The following LDLRAD3 variants were observed in gnomAD, a reference collection of about 807,000 sequenced individuals.
LDLRAD3 encodes the protein low density lipoprotein receptor class A domain containing 3, also known as low-density lipoprotein receptor class A domain-containing protein 3.
LDLRAD3 carries 20 observed loss-of-function variants against 29.4 expected under a neutral mutation model. That is an observed-to-expected ratio of 0.68 (90% confidence interval 0.48 to 0.99). The LOEUF is 0.99. Ranked by LOEUF, LDLRAD3 falls within the 50% of genes least tolerant of loss-of-function variation. LDLRAD3 has a pLI of 0.00. For missense variants in LDLRAD3, 420 were observed against 454.3 expected, an observed-to-expected ratio of 0.92 and a Z score of 0.69; for synonymous variants, 157 against 192.7, an observed-to-expected ratio of 0.81 and a Z score of 1.53.
intron 2 of LDLRAD3, among the ~76,000 whole-genome samples, chr11:36,060,902 C>G (rs1007410243): frequency 6.6e-6 from 1 of 152,176 alleles, no homozygotes; most frequent in African/African-American, 2.4e-5. Flanking sequence ...TCAGCCAACT[C>G]AATTTATGAA....
chr11:36,007,677 G>C (rs1851902174), intron 1 of LDLRAD3, among the ~76,000 whole-genome samples: 1 of 152,224 alleles, frequency 6.6e-6, no homozygotes, highest in South Asian at 2.1e-4. Flanking sequence ...TCCATTTTAT[G>C]AGCTGCATCA....
chr11:36,169,152 T>G (rs925914960), intron 4 of LDLRAD3, among the ~76,000 whole-genome samples: 4 of 152,150 alleles, frequency 2.6e-5, no homozygotes, highest in African/African-American at 9.7e-5. Flanking sequence ...TATTGATCTG[T>G]GAGCTTTTTT....
intron 2 of LDLRAD3, among the ~76,000 whole-genome samples, chr11:36,041,877 TTGA>T (rs386752464): frequency 1.8e-5 from 1 of 54,888 alleles, no homozygotes; most frequent in South Asian, 6.6e-4. Context: ...GTGTGTTTGG[TTGA>T]GGGGGGTGTG....
intron 4 of LDLRAD3, among the ~76,000 whole-genome samples, chr11:36,099,628 G>C (rs1853416363): frequency 6.6e-6 from 1 of 152,220 alleles, no homozygotes; most frequent in Non-Finnish European, 1.5e-5. Context: ...AGGTAGGATA[G>C]ATGATGGATA....
At chr11:36,158,253 G>T (rs1030633316) in intron 4 of LDLRAD3, among the ~76,000 whole-genome samples, 1 of 152,096 alleles carries the variant, frequency 6.6e-6, no homozygotes, top group African/African-American at 2.4e-5. Context: ...CACTGTCCGG[G>T]GGTAATTCCC....
intron 2 of LDLRAD3, 104 bp from the exon 3 acceptor site, chr11:36,081,549 T>C: frequency 6.8e-7 from 1 of 1,464,966 alleles, no homozygotes; most frequent in Non-Finnish European, 9.4e-7. Flanking sequence ...GACTTTAAGA[T>C]GAATCTTAAG....
intron 4 of LDLRAD3, among the ~76,000 whole-genome samples, chr11:36,102,825 G>GT (rs1240378061): frequency 2.0e-5 from 3 of 152,116 alleles, no homozygotes; most frequent in African/African-American, 7.2e-5. Context: ...CCATATACAT[G>GT]TTGGGGGTCG....
At position 36,231,525 on chromosome 11, in the gene LDLRAD3, T is replaced by G. The variant is rs1855575555; in HGVS notation, c.*2128T>G. 6.6e-6 allele frequency: 1 copy of G among 152,132 alleles called. No individual in the cohort carries two copies. Among genetic ancestry groups the G allele is most frequent in the Admixed American group, 6.6e-5 (1 of 15,266 alleles). 9.4% of individuals were successfully genotyped at this position (152,132 alleles called of 1,614,324 possible). A position where few individuals can be genotyped will look rare whatever the true frequency, so the allele number is the denominator to read the frequency against. On this transcript the variant is annotated 3_prime_UTR_variant, in exon 6 of 6. Coordinates refer to ENST00000315571, the MANE Select transcript of LDLRAD3 (RefSeq NM_174902.4). ...TTCTTTCTGGTGCTCTGGAAGTTGT[T>G]TAGAGGAAAGAATTCTAATTTTAAT...
In LDLRAD3 at chr11:36,229,338, C is replaced by T. The variant is rs776107333; in HGVS notation, c.979C>T (p.Gln327Ter). 6.2e-7 allele frequency: 1 copy of T among 1,614,090 alleles called. No individual in the cohort carries two copies. Among genetic ancestry groups the T allele is most frequent in the Non-Finnish European group, 8.5e-7 (1 of 1,180,020 alleles). The change falls in exon 6 of 6, where the codon CAG (glutamine) becomes TAG (stop). Residue 327 changes from glutamine (Q) to a stop codon, truncating the protein, a stop_gained. Transcript: ENST00000315571. LOFTEE classifies it high-confidence loss of function. Reference sequence around the variant, plus strand: ...CCACAGCCCGGGGCAGCCTGGCCCCCAGGAGGGCACTGCTGAGCCCAGGGA... The same window carrying T: ...CCACAGCCCGGGGCAGCCTGGCCCCTAGGAGGGCACTGCTGAGCCCAGGGA... The part of the protein sequence containing the change: ...TSHSPGQPGP[Q>*]EGTAEPRDSE...
intron 4 of LDLRAD3, among the ~76,000 whole-genome samples, chr11:36,223,127 A>G (rs1323604869): frequency 6.6e-6 from 1 of 152,224 alleles, no homozygotes; most frequent in East Asian, 1.9e-4. Context: ...ATGAATTAAC[A>G]CAAGATGACA....
At chr11:36,039,224 C>T (rs1406427267) in intron 2 of LDLRAD3, among the ~76,000 whole-genome samples, 2 of 152,162 alleles carry the variant, frequency 1.3e-5, no homozygotes, top group Non-Finnish European at 1.5e-5. Context: ...CCGCCTCGGC[C>T]TCCCAAAGTG....
chr11:36,109,622 T>C (rs1354388008), intron 4 of LDLRAD3, among the ~76,000 whole-genome samples: 1 of 152,214 alleles, frequency 6.6e-6, no homozygotes, highest in Non-Finnish European at 1.5e-5. Context: ...TCTTTGCTTT[T>C]TTCTGTCACC....
At chr11:36,209,650 G>C (rs7950892) in intron 4 of LDLRAD3, among the ~76,000 whole-genome samples, 8,833 of 152,090 alleles carry the variant, frequency 0.058, 804 homozygotes, top group African/African-American at 0.19. Flanking sequence ...GAACCACCAT[G>C]CCTGGCCAAA....
chr11:36,212,196 A>C (rs1342264991), intron 4 of LDLRAD3, among the ~76,000 whole-genome samples: 1 of 152,170 alleles, frequency 6.6e-6, no homozygotes, highest in African/African-American at 2.4e-5. Context: ...CTCGATGCAG[A>C]GGAGGCAGAT....
chr11:36,168,482 C>T (rs981212150), intron 4 of LDLRAD3, among the ~76,000 whole-genome samples: 6 of 142,976 alleles, frequency 4.2e-5, no homozygotes, highest in South Asian at 4.5e-4. Flanking sequence ...GATTTTATTC[C>T]GTTTTTTTCT....
At chr11:35,985,986 G>A (rs1851610397) in intron 1 of LDLRAD3, among the ~76,000 whole-genome samples, 1 of 147,504 alleles carries the variant, frequency 6.8e-6, no homozygotes, top group South Asian at 2.1e-4. Context: ...GAGGGCAGGA[G>A]ACAGTACCCT....
chr11:36,044,018 A>T (rs1701183447), intron 2 of LDLRAD3, among the ~76,000 whole-genome samples: 1 of 152,150 alleles, frequency 6.6e-6, no homozygotes, highest in Non-Finnish European at 1.5e-5. Flanking sequence ...GTCTCACCTA[A>T]TTCCTGGCAT....
intron 1 of LDLRAD3, among the ~76,000 whole-genome samples, chr11:36,005,866 A>C (rs1005233953): frequency 6.6e-6 from 1 of 152,152 alleles, no homozygotes; most frequent in Non-Finnish European, 1.5e-5. Flanking sequence ...CAGGAGAGAG[A>C]GAGCGCGAAG....
At chr11:36,127,402 T>TG (rs139083650) in intron 4 of LDLRAD3, among the ~76,000 whole-genome samples, 3,390 of 152,322 alleles carry the variant, frequency 0.022, 120 homozygotes, top group African/African-American at 0.077. Context: ...TGTTTAATCC[T>TG]GGCTGGTTCC....
Sources: allele counts gnomAD v4.1 joint callset (sites outside exome capture counted in the v4.1 genomes callset), GRCh38; gene constraint gnomAD v4.1.1; transcripts MANE v1.5; gene names NCBI Gene and HGNC (gene_info 2026-07-23, HGNC 2026-07-21).